The following MGRN1 variants were observed in gnomAD, a reference collection of about 807,000 sequenced individuals.
MGRN1 encodes mahogunin ring finger 1, also known as E3 ubiquitin-protein ligase MGRN1.
Under a neutral mutation model 69.2 loss-of-function variants are expected in MGRN1, and 29 were observed. That is an observed-to-expected ratio of 0.42 (90% CI 0.31 to 0.57). MGRN1 has a LOEUF of 0.57. Ranked by LOEUF, MGRN1 falls within the 20% of genes least tolerant of loss-of-function variation. The pLI is 0.15. For synonymous variants in MGRN1, 470 were observed against 344.2 expected, an observed-to-expected ratio of 1.37 and a Z score of -4.04; for missense variants, 998 against 796.2, an observed-to-expected ratio of 1.25 and a Z score of -3.05.
intron 13 of MGRN1, among the ~76,000 whole-genome samples, chr16:4,682,379 A>G (rs1055839725): frequency 2.0e-5 from 3 of 152,170 alleles, no homozygotes; most frequent in African/African-American, 4.8e-5. Context: ...GGCGGCTGCC[A>G]GGGGGACTCT....
intron 1 of MGRN1, among the ~76,000 whole-genome samples, chr16:4,625,906 CTCAGA>C (rs1897655415): frequency 6.6e-6 from 1 of 152,190 alleles, no homozygotes; most frequent in South Asian, 2.1e-4. Context: ...AGATTGGGTC[CTCAGA>C]TCCTGGCGTC....
intron 1 of MGRN1, among the ~76,000 whole-genome samples, chr16:4,627,149 G>A (rs1897721771): frequency 1.3e-5 from 2 of 152,216 alleles, no homozygotes; most frequent in South Asian, 2.1e-4. Flanking sequence ...GGGCAGACCG[G>A]GGACCGTGGA....
In MGRN1 at chr16:4,677,378, G is replaced by A. The variant is rs1197454449; in HGVS notation, c.956-85G>A. On this transcript the variant is annotated intron_variant, in intron 10 of 16. Coordinates refer to ENST00000262370, the MANE Select transcript of MGRN1 (RefSeq NM_015246.4). Reference sequence around the variant, plus strand: ...ACCCCAGGACCCCTATGGTGTGGGGGGGGTGTTGATCCCTGGGGCTGGGAG... The same window carrying A: ...ACCCCAGGACCCCTATGGTGTGGGGAGGGTGTTGATCCCTGGGGCTGGGAG... 4.9e-6 allele frequency: 5 copies of A among 1,017,272 alleles called. No homozygotes were observed. In the Admixed American group the frequency reaches 1.2e-4, roughly 24 times the overall value. The allele number at this position is 1,017,272 out of a possible 1,614,324, so 63.0% of individuals were successfully genotyped here. A position where few individuals can be genotyped will look rare whatever the true frequency, so the allele number is the denominator to read the frequency against.
At chr16:4,684,063 C>G in intron 16 of MGRN1, 131 bp downstream of exon 16, 5 of 801,496 alleles carry the variant, frequency 6.2e-6, no homozygotes, top group African/African-American at 1.7e-5. Context: ...CCCTGGCTCT[C>G]AGCCATGCCC....
chr16:4,681,028 C>A (rs911217998), intron 12 of MGRN1, among the ~76,000 whole-genome samples: 1 of 152,350 alleles, frequency 6.6e-6, no homozygotes, highest in Non-Finnish European at 1.5e-5. Flanking sequence ...ATTCTGTCTG[C>A]TCCCAGTGAG....
At chr16:4,670,282 G>A (rs143281033) in intron 8 of MGRN1, among the ~76,000 whole-genome samples, 3 of 152,208 alleles carry the variant, frequency 2.0e-5, no homozygotes, top group South Asian at 4.2e-4. Flanking sequence ...TCACTCTGTC[G>A]CCGAGGCTGG....
intron 4 of MGRN1, among the ~76,000 whole-genome samples, chr16:4,654,400 T>C (rs893400161): frequency 6.6e-6 from 1 of 152,220 alleles, no homozygotes; most frequent in Non-Finnish European, 1.5e-5. Flanking sequence ...GAGGTTTTAT[T>C]TGAGATAAGG....
chr16:4,689,231 C>A lies in MGRN1; in HGVS notation c.*323C>A. 1 of 292,460 alleles carries A rather than the reference C, an allele frequency of 3.4e-6. No homozygotes were observed. The highest frequency in any genetic ancestry group is 6.4e-6 in the Non-Finnish European group (1 of 156,698). 18.1% of individuals were successfully genotyped at this position (292,460 alleles called of 1,614,324 possible). On this transcript the variant is annotated 3_prime_UTR_variant, in exon 17 of 17. Transcript: ENST00000262370. The stretch of plus-strand genomic sequence containing the variant: ...CCACGTGTGGCCTCCGCTGGCTCTG[C>A]CTGCTCCTGCAACAGTGCGGTCCCT...
At chr16:4,683,736 A>C (rs1408161312) in intron 15 of MGRN1, 107 bp from the exon 16 acceptor site, 7 of 931,544 alleles carry the variant, frequency 7.5e-6, no homozygotes, top group African/African-American at 1.7e-5. Context: ...TGGGGTCCCC[A>C]CAGTGGCTAC....
chr16:4,688,691 G>C (rs924673942), intron 16 of MGRN1, 105 bp from the exon 17 acceptor site: 9 of 1,452,942 alleles, frequency 6.2e-6, no homozygotes, highest in African/African-American at 5.7e-5. Context: ...GCGGGAGTGG[G>C]GGTGCTGGAT....
rs376198884 is a variant in MGRN1, at chr16:4,652,781, A to G, written c.400A>G (p.Ile134Val). ...FDADARVAIT[I>V]YCQASEEFLN... ...CGCCGATGCCCGCGTGGCCATCACC[A>G]TCTACTGCCAGGCATCGGAGGAGTT... The change falls in exon 4 of 17, where the codon ATC becomes GTC. Residue 134 changes from isoleucine to valine, a missense_variant. By Grantham distance (29) the Ile-to-Val change is conservative. Transcript: ENST00000262370. 16 of 1,611,284 alleles carry G rather than the reference A, an allele frequency of 9.9e-6. No homozygotes were observed. The African/African-American group carries it at 1.1e-4, about 11-fold the overall frequency.
chr16:4,679,678 C>T (rs1379935520), intron 11 of MGRN1, among the ~76,000 whole-genome samples: 5 of 152,128 alleles, frequency 3.3e-5, no homozygotes, highest in Non-Finnish European at 4.4e-5. Context: ...TCAGGATCTC[C>T]ACCCTGCACC....
intron 13 of MGRN1, among the ~76,000 whole-genome samples, chr16:4,682,049 G>A (rs186928786): frequency 1.4e-3 from 207 of 152,356 alleles, no homozygotes; most frequent in African/African-American, 4.4e-3. Flanking sequence ...CTCTCGAGCA[G>A]GAAACTGCAG....
intron 5 of MGRN1, among the ~76,000 whole-genome samples, chr16:4,661,257 G>GCT (rs1364152600): frequency 6.6e-6 from 1 of 152,160 alleles, no homozygotes; most frequent in Non-Finnish European, 1.5e-5. Flanking sequence ...GGGATTATAG[G>GCT]CGTGAGCCAC....
chr16:4,664,718 G>T lies in MGRN1; in HGVS notation c.571G>T (p.Asp191Tyr). 6.2e-7 allele frequency: 1 copy of T among 1,614,176 alleles called. No homozygotes were observed. Among genetic ancestry groups the T allele is most frequent in the Non-Finnish European group, 8.5e-7 (1 of 1,180,038 alleles). Residue 191 changes from aspartate (D) to tyrosine (Y), a missense_variant, in exon 6 of 17, where the codon GAC (aspartate) becomes TAC (tyrosine). By Grantham distance (160) the Asp-to-Tyr change is radical. Coordinates refer to ENST00000262370, the MANE Select transcript of MGRN1 (RefSeq NM_015246.4). Reference sequence around the variant, plus strand: ...GCAACTCTCTCCTCAGCTGAACTTTGACCTGGACCGGGGCGTGTTTCCAGT... The same window carrying T: ...GCAACTCTCTCCTCAGCTGAACTTTTACCTGGACCGGGGCGTGTTTCCAGT... ...SEWKDDELNF[D>Y]LDRGVFPVVI...
Position 4,644,312 on chromosome 16 carries a change from T to G in MGRN1, c.89-6053T>G, listed in dbSNP as rs554919612. ...TGGACCCCTCAATTACCAGTTTTTT[T>G]TTTTTTTTTTTTTTGATGGAGTTTC... On this transcript the variant is annotated intron_variant, in intron 1 of 16. Transcript: ENST00000262370. Among the ~76,000 whole-genome samples, 330 of 147,968 alleles carry G rather than the reference T, an allele frequency of 2.2e-3. 1 individual carries two copies. Among genetic ancestry groups the G allele is most frequent in the Admixed American group, 5.6e-3 (83 of 14,754 alleles).
At chr16:4,683,365 C>T in intron 15 of MGRN1, 96 bp downstream of exon 15, 2 of 1,420,752 alleles carry the variant, frequency 1.4e-6, no homozygotes, top group South Asian at 1.2e-5. Context: ...TGGGCCAGCA[C>T]CTCTTCTGCC....
chr16:4,641,543 G>A (rs1428972939), intron 1 of MGRN1, among the ~76,000 whole-genome samples: 4 of 140,114 alleles, frequency 2.9e-5, no homozygotes, highest in Non-Finnish European at 3.1e-5. Flanking sequence ...TTAAGACAGC[G>A]TTTTGCTCTT....
chr16:4,689,059 A>T lies in MGRN1; in HGVS notation c.*151A>T. ...CCGTGGTGACTCTTGATCAAAGAGC[A>T]CAGTGAACTGTCCCTTCTGAGTCTC... is the stretch of plus-strand genomic sequence containing the variant. On this transcript the variant is annotated 3_prime_UTR_variant, in exon 17 of 17. Coordinates refer to ENST00000262370, the MANE Select transcript of MGRN1 (RefSeq NM_015246.4). 9.6e-7 allele frequency: 1 copy of T among 1,045,354 alleles called. No homozygotes were observed. The highest frequency in any genetic ancestry group is 1.3e-6 in the Non-Finnish European group (1 of 749,714). 64.8% of individuals were successfully genotyped at this position (1,045,354 alleles called of 1,614,324 possible).
Sources: gnomAD v4.1 joint callset for allele counts (sites outside exome capture counted in the v4.1 genomes callset) on GRCh38, gnomAD v4.1.1 for gene constraint, MANE v1.5 for transcripts, NCBI Gene and HGNC (gene_info 2026-07-23, HGNC 2026-07-21) for gene names.